WDR27: variants seen among roughly 807,000 people sequenced by gnomAD.
WDR27 encodes the protein WD repeat domain 27.
A neutral mutation model predicts 114.4 loss-of-function variants in WDR27; 100 were observed. The observed-to-expected ratio is 0.87, with a 90% CI of 0.74 to 1.03. WDR27 has a LOEUF of 1.03. WDR27 is among the 50% of genes least tolerant of loss of function. WDR27 has a pLI of 0.00. For missense variants in WDR27, 1,129 were observed against 1,092.9 expected, an observed-to-expected ratio of 1.03 and a Z score of -0.47; for synonymous variants, 449 against 423.1, an observed-to-expected ratio of 1.06 and a Z score of -0.75.
chr6:169,511,330 T>C (rs1277391928), intron 25 of WDR27, among the ~76,000 whole-genome samples: 1 of 152,192 alleles, frequency 6.6e-6, no homozygotes, highest in Non-Finnish European at 1.5e-5. Context: ...CAAATACTTA[T>C]GGATTTGTAT....
In WDR27 at chr6:169,597,877, T is replaced by TACACACACACACACACAC. The variant is rs67336814; in HGVS notation, c.2424+4324_2424+4341dup. Among the ~76,000 whole-genome samples, 10 of 142,222 alleles carry TACACACACACACACACAC rather than the reference T, an allele frequency of 7.0e-5. No homozygotes were observed. In the East Asian group the frequency reaches 8.7e-4, roughly 12 times the overall value. The allele number at this position is 142,222 out of a possible 152,430, so 93.3% of individuals were successfully genotyped here. On this transcript the variant is annotated intron_variant, in intron 23 of 25. Transcript: ENST00000448612. ...GCACAACTTCACCTCTTACCATTCA[T>TACACACACACACACACAC]ACACACACACACACACACACACACA...
At chr6:169,501,158 C>T (rs981012039) in intron 25 of WDR27, among the ~76,000 whole-genome samples, 7 of 152,254 alleles carry the variant, frequency 4.6e-5, no homozygotes, top group African/African-American at 1.7e-4. Context: ...TTTTCACCCA[C>T]TTTGATCCAG....
At chr6:169,608,438 C>G (rs1295264390) in intron 22 of WDR27, among the ~76,000 whole-genome samples, 1 of 152,082 alleles carries the variant, frequency 6.6e-6, no homozygotes, top group Non-Finnish European at 1.5e-5. Flanking sequence ...GTTGCACATG[C>G]CTGGGAAAGC....
At chr6:169,426,958 T>C in the WDR27 span, 1 of 35,662 alleles carries the variant, frequency 2.8e-5, no homozygotes, top group Admixed American at 2.1e-4. Flanking sequence ...GGCAGTGCTG[T>C]GGTGGTGGGG....
chr6:169,545,268 A>G (rs1797321149), intron 25 of WDR27, among the ~76,000 whole-genome samples: 1 of 152,248 alleles, frequency 6.6e-6, no homozygotes, highest in Non-Finnish European at 1.5e-5. Context: ...CCCAACCAAT[A>G]TTTGATAAAG....
intron 7 of WDR27, chr6:169,665,150 G>A (rs1827469418): frequency 9.6e-7 from 1 of 1,044,258 alleles, no homozygotes; most frequent in Admixed American, 5.2e-5. Flanking sequence ...CGGGGCGCGG[G>A]CAGCACCCGT....
chr6:169,475,187 AC>A (rs1167755335), intron 25 of WDR27, among the ~76,000 whole-genome samples: 2 of 152,346 alleles, frequency 1.3e-5, no homozygotes, highest in East Asian at 3.9e-4. Context: ...CACAGGGTTT[AC>A]AAAAATATTA....
At chr6:169,439,115 T>C in the WDR27 span, among the ~76,000 whole-genome samples, 1 of 152,206 alleles carries the variant, frequency 6.6e-6, no homozygotes, top group Admixed American at 6.5e-5. Flanking sequence ...CATCAAACGA[T>C]GCATCTCCCA....
At chr6:169,609,784 G>A (rs1173341518) in intron 22 of WDR27, among the ~76,000 whole-genome samples, 2 of 152,192 alleles carry the variant, frequency 1.3e-5, no homozygotes, top group East Asian at 3.8e-4. Flanking sequence ...CTCAGAAAAT[G>A]GGATTTTTCT....
intron 13 of WDR27, among the ~76,000 whole-genome samples, chr6:169,657,447 G>T (rs1461486559): frequency 6.6e-6 from 1 of 152,228 alleles, no homozygotes. Context: ...CAAGGGTGGG[G>T]TCGCCAGGTC....
chr6:169,453,453 A>G (rs1432217443), downstream of WDR27, among the ~76,000 whole-genome samples: 1 of 151,990 alleles, frequency 6.6e-6, no homozygotes, highest in Non-Finnish European at 1.5e-5. Flanking sequence ...TCCACATCCA[A>G]GCCTGCCGCT....
chr6:169,548,622 A>T (rs1378569675), intron 25 of WDR27, among the ~76,000 whole-genome samples: 1 of 152,188 alleles, frequency 6.6e-6, no homozygotes, highest in Non-Finnish European at 1.5e-5. Context: ...AACAAAGTTG[A>T]AGGGGTAACA....
intron 25 of WDR27, among the ~76,000 whole-genome samples, chr6:169,472,573 C>A (rs190451785): frequency 6.6e-6 from 1 of 151,860 alleles, no homozygotes; most frequent in Admixed American, 6.6e-5. Flanking sequence ...TATCATAATA[C>A]CAGACACACA....
chr6:169,687,366 A>G (rs1783269422), intron 2 of WDR27, among the ~76,000 whole-genome samples: 1 of 152,148 alleles, frequency 6.6e-6, no homozygotes, highest in Non-Finnish European at 1.5e-5. Flanking sequence ...TTATAATATA[A>G]AGAACTCCTT....
At chr6:169,611,804 G>A (rs1810603999) in intron 22 of WDR27, among the ~76,000 whole-genome samples, 1 of 152,070 alleles carries the variant, frequency 6.6e-6, no homozygotes, top group Non-Finnish European at 1.5e-5. Context: ...AGGTCTTCAG[G>A]GGCAGTGAAA....
intron 25 of WDR27, among the ~76,000 whole-genome samples, chr6:169,508,666 T>A (rs367949851): frequency 1.4e-4 from 21 of 152,188 alleles, no homozygotes; most frequent in African/African-American, 4.1e-4. Context: ...TAAGATGTGT[T>A]ACAACTGCAG....
chr6:169,654,735 G>GAGGAGGCGCGCACAGA (rs1554347944), intron 13 of WDR27, among the ~76,000 whole-genome samples: 19,343 of 150,520 alleles, frequency 0.13, 1,370 homozygotes, highest in African/African-American at 0.16. Flanking sequence ...GCGCGCACAG[G>GAGGAGGCGCGCACAGA]AGGAGGCGCG....
At chr6:169,591,852 G>C (rs1805805691) in intron 23 of WDR27, among the ~76,000 whole-genome samples, 1 of 151,574 alleles carries the variant, frequency 6.6e-6, no homozygotes, top group Non-Finnish European at 1.5e-5. Flanking sequence ...ATTACCCTTT[G>C]ATTTCTTTTC....
At chr6:169,464,651 G>C (rs566379461) in intron 25 of WDR27, among the ~76,000 whole-genome samples, 1 of 152,274 alleles carries the variant, frequency 6.6e-6, no homozygotes, top group East Asian at 1.9e-4. Context: ...TTGGTGTCTG[G>C]TAACAGCCTA....
Sources: gnomAD v4.1 joint callset for allele counts (sites outside exome capture counted in the v4.1 genomes callset) on GRCh38, gnomAD v4.1.1 for gene constraint, MANE v1.5 for transcripts, NCBI Gene and HGNC (gene_info 2026-07-23, HGNC 2026-07-21) for gene names.